Variants in EYS observed in about 807,000 individuals in gnomAD.
EYS encodes the protein protein eyes shut homolog.
In EYS, 250 loss-of-function variants were observed where a neutral mutation model predicts 282.1. The ratio of observed to expected loss-of-function variants is 0.89; its 90% CI spans 0.80 to 0.98. EYS has a LOEUF of 0.98. Among genes scored for constraint, EYS ranks in the 50% least tolerant of loss-of-function variants. The pLI is 0.00. For synonymous variants in EYS, 1,355 were observed against 1,282.9 expected (o/e 1.06, Z -1.20); for missense variants, 4,016 against 3,709.0 (o/e 1.08, Z -2.15).
At chr6:63,778,327 G>C in intron 39 of EYS, 147 bp from the exon 40 acceptor site, 1 of 837,266 alleles carries the variant, frequency 1.2e-6, no homozygotes, top group Non-Finnish European at 1.8e-6. Context: ...ATACAGAAAT[G>C]CGCAGAGAAA....
chr6:64,157,158 C>A (rs963964543), intron 31 of EYS, among the ~76,000 whole-genome samples: 2 of 149,380 alleles, frequency 1.3e-5, no homozygotes, highest in African/African-American at 4.9e-5. Flanking sequence ...GTTTTTTGTT[C>A]TTGCGATAGT....
intron 14 of EYS, among the ~76,000 whole-genome samples, chr6:64,959,214 T>C (rs923464346): frequency 3.3e-5 from 5 of 152,204 alleles, no homozygotes; most frequent in South Asian, 2.1e-4. Context: ...CATCAGCATG[T>C]TGGAATTCCA....
At chr6:64,846,068 T>C (rs1186392823) in intron 19 of EYS, among the ~76,000 whole-genome samples, 1 of 152,156 alleles carries the variant, frequency 6.6e-6, no homozygotes, top group Non-Finnish European at 1.5e-5. Context: ...TTCCTGTAAA[T>C]CGATTTCCTT....
At chr6:65,028,318 C>T (rs1395759231) in intron 13 of EYS, among the ~76,000 whole-genome samples, 1 of 151,624 alleles carries the variant, frequency 6.6e-6, no homozygotes, top group Admixed American at 6.6e-5. Context: ...TGCATTTCTA[C>T]AATAATATAT....
At chr6:64,900,704 T>C (rs1183390476) in intron 18 of EYS, among the ~76,000 whole-genome samples, 3 of 152,152 alleles carry the variant, frequency 2.0e-5, no homozygotes, top group African/African-American at 7.2e-5. Flanking sequence ...CCAGTTAGAA[T>C]GGCGATCATT....
chr6:65,212,983 C>T lies in EYS; in HGVS notation c.2023+82880G>A, dbSNP rs890499548. On this transcript the variant is annotated intron_variant, in intron 12 of 42. Coordinates refer to ENST00000503581, the MANE Select transcript of EYS (RefSeq NM_001142800.2). The stretch of plus-strand genomic sequence containing the variant: ...TGTAATTTTAATATATAAAATCGAT[C>T]GATGTTCGTTACATTTAAGTGGCAG... Among the ~76,000 whole-genome samples the T allele has an allele frequency of 4.6e-5, 7 of 151,642 alleles. No individual in the cohort carries two copies. The East Asian group carries it at 9.7e-4, about 21-fold the overall frequency.
At chr6:64,395,437 G>A (rs1773327898) in intron 28 of EYS, among the ~76,000 whole-genome samples, 1 of 152,148 alleles carries the variant, frequency 6.6e-6, no homozygotes, top group Non-Finnish European at 1.5e-5. Context: ...ATACACCATG[G>A]AATACTATGC....
chr6:64,298,391 A>T (rs905750797), intron 30 of EYS, among the ~76,000 whole-genome samples: 3 of 152,184 alleles, frequency 2.0e-5, no homozygotes, highest in Non-Finnish European at 4.4e-5. Flanking sequence ...ATGTATAAAG[A>T]TGTAATTTTG....
intron 29 of EYS, among the ~76,000 whole-genome samples, chr6:64,352,710 C>T (rs927393971): frequency 1.3e-5 from 2 of 151,484 alleles, no homozygotes; most frequent in African/African-American, 4.8e-5. Flanking sequence ...CTTGCTTACT[C>T]ATTTTTAAAT....
rs775701324 is a variant in EYS at position 64,591,054 on chromosome 6, T to A, written c.4813A>T (p.Ile1605Phe). Residue 1605 changes from isoleucine (I) to phenylalanine (F), a missense_variant, in exon 26 of 43, where the codon ATC becomes TTC. By Grantham distance (21) the Ile-to-Phe change is conservative. Transcript: ENST00000503581. ...SWYALMGAQT[I>F]TSGHSFSSAT... Reference sequence around the variant, plus strand: ...GAAGAAAATGAATGCCCAGAAGTGATAGTTTGAGCTCCCATTAGTGCATAC... The same window carrying A: ...GAAGAAAATGAATGCCCAGAAGTGAAAGTTTGAGCTCCCATTAGTGCATAC... 6.4e-7 allele frequency: 1 copy of A among 1,551,340 alleles called. No homozygotes were observed.
intron 22 of EYS, among the ~76,000 whole-genome samples, chr6:64,759,017 T>C (rs189448210): frequency 7.7e-4 from 117 of 152,222 alleles, no homozygotes; most frequent in Non-Finnish European, 1.0e-3. Context: ...CGGGCGCCTG[T>C]AGTCCCAGCT....
chr6:65,302,379 T>C lies in EYS; in HGVS notation c.1767-6260A>G, dbSNP rs112672819. 2,460 of 679,424 alleles carry C rather than the reference T, an allele frequency of 3.6e-3. 22 individuals are homozygous for C. In the African/African-American group the frequency reaches 0.038, roughly 11 times the overall value. 42.1% of individuals were successfully genotyped at this position (679,424 alleles called of 1,614,324 possible). A position where few individuals can be genotyped will look rare whatever the true frequency, so the allele number is the denominator to read the frequency against. On this transcript the variant is annotated intron_variant, in intron 11 of 42. Transcript: ENST00000503581. The stretch of plus-strand genomic sequence containing the variant: ...CCTGTTGAGAGCAATCAGCTAATGA[T>C]TACAGTTTAAAGACAATTTCTGTGA...
chr6:65,505,342 T>C (rs751274319), intron 2 of EYS, among the ~76,000 whole-genome samples: 1 of 151,914 alleles, frequency 6.6e-6, no homozygotes, highest in African/African-American at 2.4e-5. Flanking sequence ...ATTTTATTAA[T>C]ATTTTCAAAT....
chr6:64,848,554 A>G (rs991282953), intron 19 of EYS, among the ~76,000 whole-genome samples: 2 of 152,070 alleles, frequency 1.3e-5, no homozygotes, highest in Admixed American at 6.6e-5. Context: ...CAAACAATCA[A>G]CTCACACAGG....
intron 31 of EYS, among the ~76,000 whole-genome samples, chr6:64,135,665 A>G (rs1255805671): frequency 6.6e-6 from 1 of 152,120 alleles, no homozygotes; most frequent in Non-Finnish European, 1.5e-5. Flanking sequence ...TGAGTCTCAC[A>G]ATTTTTTAGG....
In EYS at chr6:64,591,641, A is replaced by G; in HGVS notation, c.4226T>C (p.Leu1409Ser). The G allele has an allele frequency of 6.4e-7, 1 of 1,551,264 alleles. No homozygotes were observed. Among genetic ancestry groups the G allele is most frequent in the Non-Finnish European group, 8.7e-7 (1 of 1,146,728 alleles). ...MSDFIFPTQSLLFENCQTVAL... is the reference protein window; with the variant it reads ...MSDFIFPTQSSLFENCQTVAL... ...AACAGTCTGACAGTTCTCAAATAAT[A>G]AAGATTGTGTAGGAAAAATAAAATC... is the stretch of plus-strand genomic sequence containing the variant. Residue 1409 changes from leucine (L) to serine (S), a missense_variant, in exon 26 of 43, where the codon TTA becomes TCA. By Grantham distance (145) the Leu-to-Ser change is moderately radical (BLOSUM62 -2). Transcript: ENST00000503581.
intron 24 of EYS, among the ~76,000 whole-genome samples, chr6:64,599,189 T>C (rs1056288774): frequency 1.3e-5 from 2 of 152,176 alleles, no homozygotes; most frequent in Non-Finnish European, 2.9e-5. Flanking sequence ...GTTCTAATCT[T>C]ATTGATATCA....
chr6:65,559,416 A>G (rs554309611), intron 2 of EYS, among the ~76,000 whole-genome samples: 1 of 151,312 alleles, frequency 6.6e-6, no homozygotes, highest in African/African-American at 2.4e-5. Context: ...AAGAAAAAAA[A>G]TTTTTTTTGG....
intron 22 of EYS, among the ~76,000 whole-genome samples, chr6:64,669,422 G>A (rs1426199964): frequency 1.3e-5 from 2 of 152,130 alleles, no homozygotes; most frequent in Non-Finnish European, 1.5e-5. Flanking sequence ...AGAGAGAAAC[G>A]ACCTCAGATT....
Sources: allele counts gnomAD v4.1 joint callset (sites outside exome capture counted in the v4.1 genomes callset), GRCh38; gene constraint gnomAD v4.1.1; transcripts MANE v1.5; gene names NCBI Gene and HGNC (gene_info 2026-07-23, HGNC 2026-07-21).